Variants in NHERF1 observed in about 807,000 individuals in gnomAD.
The protein encoded by NHERF1 is Na(+)/H(+) exchange regulatory cofactor NHE-RF1.
At chr17:74,768,577 G>A in the NHERF1 span, 3 of 1,614,144 alleles carry the variant, frequency 1.9e-6, no homozygotes, top group East Asian at 2.2e-5. Context: ...GCCAAAGAGA[G>A]GGCCCACCAG....
At chr17:74,763,682 G>T in the NHERF1 span, among the ~76,000 whole-genome samples, 1 of 152,250 alleles carries the variant, frequency 6.6e-6, no homozygotes, top group Non-Finnish European at 1.5e-5. Context: ...TGTGGGCTGG[G>T]GGAGCGGGGG....
At chr17:74,763,712 G>A in the NHERF1 span, among the ~76,000 whole-genome samples, 116 of 152,368 alleles carry the variant, frequency 7.6e-4, no homozygotes, top group Non-Finnish European at 1.2e-3. Flanking sequence ...GGGAGTGGCA[G>A]TGGGTTTCTG....
chr17:74,767,147 C>CCTCT, the NHERF1 span, among the ~76,000 whole-genome samples: 1 of 152,230 alleles, frequency 6.6e-6, no homozygotes, highest in African/African-American at 2.4e-5. Context: ...ACCCTCTTGG[C>CCTCT]CTCTGCCTGG....
the NHERF1 span, among the ~76,000 whole-genome samples, chr17:74,765,079 G>T: frequency 6.6e-6 from 1 of 152,012 alleles, no homozygotes; most frequent in African/African-American, 2.4e-5. Flanking sequence ...AGCCATGTGG[G>T]ACCCCTACCC....
At chr17:74,768,758 AC>A in the NHERF1 span, 1 of 955,214 alleles carries the variant, frequency 1.0e-6, no homozygotes, top group South Asian at 1.4e-5. Context: ...ACAAATCAGC[AC>A]CCACATCCCC....
chr17:74,768,158 T>C, the NHERF1 span: 1 of 1,611,640 alleles, frequency 6.2e-7, no homozygotes, highest in Non-Finnish European at 8.5e-7. Context: ...AGAACAGTCG[T>C]GAAGCCCTGG....
At chr17:74,756,335 G>A in the NHERF1 span, among the ~76,000 whole-genome samples, 2 of 134,710 alleles carry the variant, frequency 1.5e-5, no homozygotes, top group African/African-American at 5.7e-5. Context: ...CTGGAGTGCA[G>A]TGGCGTGATC....
the NHERF1 span, chr17:74,768,122 C>T: frequency 1.3e-6 from 2 of 1,549,450 alleles, no homozygotes; most frequent in African/African-American, 2.7e-5. Flanking sequence ...CCTCTGACAA[C>T]CCACAACCCT....
chr17:74,753,689 G>A, the NHERF1 span, among the ~76,000 whole-genome samples: 3 of 151,064 alleles, frequency 2.0e-5, no homozygotes, highest in African/African-American at 7.3e-5. Context: ...AGGAGTTTGA[G>A]ACCAGCCTGG....
chr17:74,754,305 T>A, the NHERF1 span, among the ~76,000 whole-genome samples: 3 of 152,052 alleles, frequency 2.0e-5, no homozygotes, highest in Non-Finnish European at 4.4e-5. Context: ...TGGCCCTACC[T>A]GGAAGGAAAC....
At chr17:74,753,744 G>T in the NHERF1 span, among the ~76,000 whole-genome samples, 1 of 151,224 alleles carries the variant, frequency 6.6e-6, no homozygotes, top group East Asian at 2.0e-4. Flanking sequence ...CAGGGGGAGG[G>T]GGGTGAATGG....
chr17:74,761,714 G>C, the NHERF1 span, among the ~76,000 whole-genome samples: 1 of 152,200 alleles, frequency 6.6e-6, no homozygotes, highest in Non-Finnish European at 1.5e-5. This position sits in a 1 kb window ranked among gnomAD's most constrained non-coding sequence, Gnocchi z 4.3. Flanking sequence ...ACTGTCAGAA[G>C]GGACAGGCAT....
the NHERF1 span, among the ~76,000 whole-genome samples, chr17:74,764,789 C>T: frequency 6.6e-6 from 1 of 152,324 alleles, no homozygotes; most frequent in South Asian, 2.1e-4. This position sits in a 1 kb window ranked among gnomAD's most constrained non-coding sequence, Gnocchi z 4.9. Flanking sequence ...GCATCCTCAC[C>T]CTTTCCATAG....
the NHERF1 span, among the ~76,000 whole-genome samples, chr17:74,753,133 T>A: frequency 1.3e-5 from 2 of 152,200 alleles, no homozygotes; most frequent in Non-Finnish European, 2.9e-5. Flanking sequence ...AGCTCTGCCG[T>A]GTGCTGGTTC....
the NHERF1 span, among the ~76,000 whole-genome samples, chr17:74,752,235 G>C: frequency 1.3e-5 from 2 of 151,988 alleles, no homozygotes; most frequent in Non-Finnish European, 2.9e-5. Context: ...AGGAGTTTGA[G>C]ACCAGCCTAG....
chr17:74,749,229 T>A, the NHERF1 span: 4 of 1,528,306 alleles, frequency 2.6e-6, no homozygotes, highest in Non-Finnish European at 3.5e-6. The surrounding 1 kb of genome is among the most constrained non-coding windows in gnomAD (Gnocchi z 5.6). Flanking sequence ...GCCGCCGAGG[T>A]GCAGGGGGCT....
the NHERF1 span, chr17:74,769,166 G>C: frequency 1.3e-5 from 2 of 155,672 alleles, no homozygotes; most frequent in Admixed American, 6.3e-5. Context: ...TTGTTTCCTT[G>C]ATTAACATGA....
chr17:74,758,998 G>A, the NHERF1 span, among the ~76,000 whole-genome samples: 2 of 152,208 alleles, frequency 1.3e-5, no homozygotes, highest in Non-Finnish European at 2.9e-5. This position sits in a 1 kb window ranked among gnomAD's most constrained non-coding sequence, Gnocchi z 4.3. Context: ...ACACCTCCTG[G>A]AGACAGCTGG....
At chr17:74,753,778 A>G in the NHERF1 span, among the ~76,000 whole-genome samples, 2 of 152,154 alleles carry the variant, frequency 1.3e-5, no homozygotes, top group East Asian at 3.9e-4. Flanking sequence ...AAGGAACTCC[A>G]TATGTCTAGA....
Sources: gnomAD v4.1 joint callset for allele counts (sites outside exome capture counted in the v4.1 genomes callset) on GRCh38, gnomAD v4.1.1 for gene constraint, Gnocchi (gnomAD v3.1) non-coding constraint, MANE v1.5 for transcripts, NCBI Gene and HGNC (gene_info 2026-07-23, HGNC 2026-07-21) for gene names.